Variants in MANBA observed in about 807,000 individuals in gnomAD.
MANBA encodes the protein mannosidase beta.
In MANBA, 83 loss-of-function variants were observed where a neutral mutation model predicts 111.1. That is an observed-to-expected ratio of 0.75 (90% CI 0.63 to 0.90). MANBA has a LOEUF of 0.90. Among genes scored for constraint, MANBA ranks in the 40% least tolerant of loss-of-function variants. The pLI, the probability that MANBA is intolerant of heterozygous loss-of-function variation, is 0.00. For missense variants in MANBA, 1,036 were observed against 1,069.0 expected (o/e 0.97, Z 0.43); for synonymous variants, 370 against 378.7 (o/e 0.98, Z 0.27).
At chr4:102,744,727 C>A (rs1291606385) in intron 1 of MANBA, among the ~76,000 whole-genome samples, 2 of 152,196 alleles carry the variant, frequency 1.3e-5, no homozygotes, top group African/African-American at 4.8e-5. Flanking sequence ...GTCTTCTGCA[C>A]AGGTCAAATA....
chr4:102,710,442 A>G (rs1035703414), intron 5 of MANBA, among the ~76,000 whole-genome samples: 11 of 152,164 alleles, frequency 7.2e-5, no homozygotes, highest in African/African-American at 2.4e-4. Flanking sequence ...CTAGGAATAA[A>G]TGTAACCAAA....
intron 9 of MANBA, among the ~76,000 whole-genome samples, chr4:102,670,183 T>C (rs1167319143): frequency 2.1e-5 from 3 of 142,060 alleles, no homozygotes; most frequent in African/African-American, 8.4e-5. Context: ...AAAAAGATCA[T>C]AGCCCCAAAG....
At chr4:102,722,008 C>A (rs1315777999) in intron 4 of MANBA, among the ~76,000 whole-genome samples, 1 of 121,300 alleles carries the variant, frequency 8.2e-6, no homozygotes, top group African/African-American at 3.3e-5. Context: ...CCAGCCTGGG[C>A]GACAGAGTGT....
chr4:102,757,317 G>A lies in MANBA; in HGVS notation c.177+3401C>T, dbSNP rs576252486. 2.9e-4 allele frequency among the ~76,000 whole-genome samples: 44 copies of A among 149,702 alleles called. No homozygotes were observed. In the East Asian group the frequency reaches 7.5e-3, roughly 25 times the overall value. ...GCATTCCAGCCTGGGCAACAAGAGC[G>A]AAACTCCGTCTCAAAAAAAAAAAAA... is the stretch of plus-strand genomic sequence containing the variant. On this transcript the variant is annotated intron_variant, in intron 1 of 16. Transcript: ENST00000647097.
At chr4:102,638,576 C>T (rs939852823) in intron 14 of MANBA, among the ~76,000 whole-genome samples, 7 of 152,154 alleles carry the variant, frequency 4.6e-5, no homozygotes, top group African/African-American at 1.4e-4. Flanking sequence ...TTTCTTGAAT[C>T]GAACTCAGTT....
intron 1 of MANBA, among the ~76,000 whole-genome samples, chr4:102,748,797 C>T (rs1028352882): frequency 2.0e-5 from 3 of 152,026 alleles, no homozygotes; most frequent in Non-Finnish European, 4.4e-5. Context: ...CCTGTAATCC[C>T]GGCTACTCGG....
chr4:102,670,521 C>T (rs1024245201), intron 9 of MANBA, among the ~76,000 whole-genome samples: 1 of 152,074 alleles, frequency 6.6e-6, no homozygotes, highest in African/African-American at 2.4e-5. Flanking sequence ...TTTATCCTCA[C>T]AATTGCAAAA....
chr4:102,744,845 A>G (rs1723533816), intron 1 of MANBA, among the ~76,000 whole-genome samples: 1 of 151,980 alleles, frequency 6.6e-6, no homozygotes, highest in Admixed American at 6.5e-5. Flanking sequence ...ATTGTTTTTG[A>G]TTTGCTATTT....
intron 1 of MANBA, among the ~76,000 whole-genome samples, chr4:102,759,180 T>C (rs899721668): frequency 4.0e-4 from 60 of 150,110 alleles, no homozygotes; most frequent in Non-Finnish European, 8.1e-4. Flanking sequence ...ATGTTGGCCA[T>C]GCTGGTCTTG....
chr4:102,755,176 CA>C (rs1221508457), intron 1 of MANBA, among the ~76,000 whole-genome samples: 1 of 152,082 alleles, frequency 6.6e-6, no homozygotes, highest in Non-Finnish European at 1.5e-5. Context: ...ACTCCTAAGC[CA>C]AAAGAACAAA....
intron 3 of MANBA, 115 bp from the exon 4 acceptor site, chr4:102,723,156 T>G (rs1722655515): frequency 8.6e-6 from 8 of 934,424 alleles, no homozygotes; most frequent in Non-Finnish European, 1.3e-5. Flanking sequence ...GATCTAGGTT[T>G]AGCCTCCTTG....
In MANBA at chr4:102,650,521, AATGAAAACAACT is replaced by A; in HGVS notation, c.1869+4_1869+15del. ...ATTGCAGGAACCTGTTCAATTCTAG[AATGAAAACAACT>A]TACCTGAGTAAGGTAGATGGTATCT... On this transcript the variant is annotated splice_donor_5th_base_variant and intron_variant, in intron 13 of 16. Coordinates refer to ENST00000647097, the MANE Select transcript of MANBA (RefSeq NM_005908.4). 6.2e-7 allele frequency: 1 copy of A among 1,601,366 alleles called. No individual in the cohort carries two copies. Among genetic ancestry groups the A allele is most frequent in the South Asian group, 1.1e-5 (1 of 90,858 alleles).
chr4:102,669,405 T>C (rs1731386220), intron 9 of MANBA, among the ~76,000 whole-genome samples: 1 of 152,204 alleles, frequency 6.6e-6, no homozygotes, highest in Admixed American at 6.5e-5. Context: ...AGGCATTTGG[T>C]ATTGAGATGC....
At chr4:102,658,019 A>G in intron 11 of MANBA, 119 bp from the exon 12 acceptor site, 2 of 752,718 alleles carry the variant, frequency 2.7e-6, no homozygotes, top group East Asian at 2.7e-5. Flanking sequence ...ATAGAAAATT[A>G]GTAGGACCAC....
At chr4:102,651,003 T>G (rs549624064) in intron 12 of MANBA, among the ~76,000 whole-genome samples, 1 of 152,154 alleles carries the variant, frequency 6.6e-6, no homozygotes, top group Non-Finnish European at 1.5e-5. Flanking sequence ...TTCCTGGTTT[T>G]TGAAACATCC....
At chr4:102,701,140 T>C (rs1013793709) in intron 5 of MANBA, among the ~76,000 whole-genome samples, 2 of 152,232 alleles carry the variant, frequency 1.3e-5, no homozygotes. Context: ...TTTTGATCTT[T>C]GTTGGTTTAA....
intron 5 of MANBA, among the ~76,000 whole-genome samples, chr4:102,703,700 A>C (rs1005899394): frequency 6.6e-6 from 1 of 152,218 alleles, no homozygotes; most frequent in Non-Finnish European, 1.5e-5. Flanking sequence ...AGGAAAGAAG[A>C]CAGCAAGAAA....
chr4:102,706,467 A>G (rs1392712453), intron 5 of MANBA, among the ~76,000 whole-genome samples: 1 of 152,242 alleles, frequency 6.6e-6, no homozygotes, highest in Non-Finnish European at 1.5e-5. Context: ...TTCCTCCCCT[A>G]TAAAAGAGAA....
intron 13 of MANBA, among the ~76,000 whole-genome samples, 197 bp from the exon 14 acceptor site, chr4:102,640,054 G>A (rs1729812566): frequency 6.6e-6 from 1 of 152,074 alleles, no homozygotes; most frequent in South Asian, 2.1e-4. Context: ...AGAAGCTGTT[G>A]TCTGTAACAG....
Sources: allele counts gnomAD v4.1 joint callset (sites outside exome capture counted in the v4.1 genomes callset), GRCh38; gene constraint gnomAD v4.1.1; transcripts MANE v1.5; gene names NCBI Gene and HGNC (gene_info 2026-07-23, HGNC 2026-07-21).